The following ADGRL3 variants were observed in gnomAD, a reference collection of about 807,000 sequenced individuals.
ADGRL3 encodes the protein calcium-independent alpha-latrotoxin receptor 3.
ADGRL3 carries 62 observed loss-of-function variants against 153.5 expected under a neutral mutation model. That is an observed-to-expected ratio of 0.40 (90% CI 0.33 to 0.50). The LOEUF (loss-of-function observed/expected upper bound fraction) is 0.50. ADGRL3 is among the 20% of genes least tolerant of loss of function. The pLI is 0.47. For synonymous variants in ADGRL3, 710 were observed against 672.5 expected, an observed-to-expected ratio of 1.06 and a Z score of -0.86; for missense variants, 1,641 against 1,859.4, an observed-to-expected ratio of 0.88 and a Z score of 2.16.
At chr4:61,535,454 A>C (rs1020212566) in intron 4 of ADGRL3, among the ~76,000 whole-genome samples, 2 of 152,094 alleles carry the variant, frequency 1.3e-5, no homozygotes, top group African/African-American at 4.8e-5. Flanking sequence ...ATTTCATAGA[A>C]TGTGTTAAAG....
intron 7 of ADGRL3, among the ~76,000 whole-genome samples, chr4:61,731,223 C>T (rs939636155): frequency 1.3e-5 from 2 of 151,816 alleles, no homozygotes; most frequent in Non-Finnish European, 2.9e-5. Flanking sequence ...TTAGCCTGTT[C>T]CCAAACTTGT....
intron 2 of ADGRL3, among the ~76,000 whole-genome samples, chr4:61,398,500 G>A (rs2096893532): frequency 6.6e-6 from 1 of 151,472 alleles, no homozygotes; most frequent in South Asian, 2.1e-4. Context: ...TCTTCAGCCA[G>A]ACCTGATTAG....
chr4:61,281,039 G>A (rs1483169854), intron 1 of ADGRL3, among the ~76,000 whole-genome samples: 1 of 151,794 alleles, frequency 6.6e-6, no homozygotes. Flanking sequence ...GTAATTTCTG[G>A]TATTTATCAT....
intron 2 of ADGRL3, among the ~76,000 whole-genome samples, chr4:61,431,050 A>T (rs995880173): frequency 2.6e-5 from 4 of 152,218 alleles, no homozygotes; most frequent in African/African-American, 9.6e-5. Flanking sequence ...CTAAAGTATG[A>T]GCCAGAGCTA....
chr4:61,889,812 G>A (rs1166756402), intron 9 of ADGRL3, among the ~76,000 whole-genome samples: 1 of 152,184 alleles, frequency 6.6e-6, no homozygotes, highest in Non-Finnish European at 1.5e-5. Context: ...GAGACAATAG[G>A]CTGGAGAAAT....
chr4:61,759,049 G>C (rs947754353), intron 8 of ADGRL3, among the ~76,000 whole-genome samples: 1 of 152,246 alleles, frequency 6.6e-6, no homozygotes, highest in South Asian at 2.1e-4. Context: ...CGAGAGATCA[G>C]CTGTTAGTCT....
chr4:61,559,816 AT>A lies in ADGRL3; in HGVS notation c.260-27402del, dbSNP rs34531875. Among the ~76,000 whole-genome samples the A allele has an allele frequency of 3.3e-3, 500 of 151,224 alleles. 1 individual carries two copies. Among genetic ancestry groups the A allele is most frequent in the East Asian group, 0.018 (93 of 5,148 alleles). On this transcript the variant is annotated intron_variant, in intron 4 of 26. Transcript: ENST00000683033. ...GGGGTACTTAGGCAAAACCATAATC[AT>A]TTTTTTTTAATTCTCGTGTTATATA...
chr4:61,646,788 G>A (rs2094009527), intron 5 of ADGRL3, among the ~76,000 whole-genome samples: 1 of 152,214 alleles, frequency 6.6e-6, no homozygotes, highest in Non-Finnish European at 1.5e-5. Flanking sequence ...GCCTCCTTGA[G>A]CTGTGGTGGG....
At chr4:62,003,674 G>GT (rs1459089105) in intron 21 of ADGRL3, among the ~76,000 whole-genome samples, 1 of 152,102 alleles carries the variant, frequency 6.6e-6, no homozygotes, top group African/African-American at 2.4e-5. Context: ...GATTCCTTGT[G>GT]TTTTTAATGG....
intron 4 of ADGRL3, among the ~76,000 whole-genome samples, chr4:61,540,914 C>T (rs2098686857): frequency 6.6e-6 from 1 of 151,624 alleles, no homozygotes; most frequent in East Asian, 1.9e-4. Context: ...GAACTTTTGT[C>T]AAAGGCTAAA....
intron 17 of ADGRL3, among the ~76,000 whole-genome samples, chr4:61,952,792 A>G (rs1203663353): frequency 1.3e-5 from 2 of 152,182 alleles, no homozygotes; most frequent in Non-Finnish European, 2.9e-5. Context: ...TCAGACTCAG[A>G]AAAACGAATC....
intron 4 of ADGRL3, among the ~76,000 whole-genome samples, chr4:61,544,546 C>T (rs1035744037): frequency 6.6e-5 from 10 of 152,032 alleles, no homozygotes; most frequent in African/African-American, 2.2e-4. Context: ...TTCATTGAGA[C>T]GTAATCAGAA....
intron 4 of ADGRL3, among the ~76,000 whole-genome samples, chr4:61,542,830 C>G (rs1050545345): frequency 1.3e-5 from 2 of 152,152 alleles, no homozygotes; most frequent in African/African-American, 4.8e-5. Flanking sequence ...ACACTTTAAT[C>G]CTACATTCTT....
chr4:61,481,306 G>A (rs933023085), intron 2 of ADGRL3, among the ~76,000 whole-genome samples: 4 of 152,154 alleles, frequency 2.6e-5, no homozygotes, highest in African/African-American at 7.2e-5. Context: ...TCAGGATGGT[G>A]TTCTGTAAAT....
intron 2 of ADGRL3, among the ~76,000 whole-genome samples, chr4:61,416,371 G>A (rs2097144879): frequency 2.0e-5 from 3 of 150,334 alleles, no homozygotes; most frequent in Middle Eastern, 6.9e-3. Context: ...AAAAGCAATT[G>A]GACTGACATA....
chr4:61,705,764 A>G (rs1374881419), intron 6 of ADGRL3, among the ~76,000 whole-genome samples: 3 of 152,058 alleles, frequency 2.0e-5, no homozygotes, highest in Non-Finnish European at 4.4e-5. Context: ...TGGCCACCCA[A>G]GGGGGCTAAG....
At position 61,201,082 on chromosome 4, in the gene ADGRL3, A is replaced by C; in HGVS notation, c.-923A>C. On this transcript the variant is annotated 5_prime_UTR_variant, in exon 1 of 27. Transcript: ENST00000683033. Reference sequence around the variant, plus strand: ...CGAAGAGGAGGACGGTTTGGCGGAGAAGCCACCCCTGGCCCTCGCGGCTCC... The same window carrying C: ...CGAAGAGGAGGACGGTTTGGCGGAGCAGCCACCCCTGGCCCTCGCGGCTCC... Among the ~76,000 whole-genome samples the C allele has an allele frequency of 6.6e-6, 1 of 151,954 alleles. No homozygotes were observed. The highest frequency in any genetic ancestry group is 1.5e-5 in the Non-Finnish European group (1 of 67,996).
At chr4:61,420,968 A>T (rs2152333477) in intron 2 of ADGRL3, among the ~76,000 whole-genome samples, 1 of 152,218 alleles carries the variant, frequency 6.6e-6, no homozygotes. Flanking sequence ...TCTGTTTTTT[A>T]ATAACTGTCT....
intron 24 of ADGRL3, among the ~76,000 whole-genome samples, chr4:62,040,469 C>T (rs1354399290): frequency 6.6e-6 from 1 of 151,890 alleles, no homozygotes; most frequent in Non-Finnish European, 1.5e-5. Flanking sequence ...AAATACATTT[C>T]CCACTAATTA....
Sources: gnomAD v4.1 joint callset for allele counts (sites outside exome capture counted in the v4.1 genomes callset) on GRCh38, gnomAD v4.1.1 for gene constraint, MANE v1.5 for transcripts, NCBI Gene and HGNC (gene_info 2026-07-23, HGNC 2026-07-21) for gene names.